PTPRD: variants seen among roughly 807,000 people sequenced by gnomAD.
The protein encoded by PTPRD is protein tyrosine phosphatase receptor type D.
In PTPRD, 34 loss-of-function variants were observed where a neutral mutation model predicts 214.5. The observed-to-expected ratio is 0.16, with a 90% CI of 0.12 to 0.21. The LOEUF (loss-of-function observed/expected upper bound fraction) is 0.21. PTPRD is among the 10% of genes least tolerant of loss of function. The pLI is 1.00. For synonymous variants in PTPRD, 1,128 were observed against 845.7 expected (o/e 1.33, Z -5.79); for missense variants, 2,545 against 2,398.7 (o/e 1.06, Z -1.27).
At chr9:9,442,746 A>T (rs908392494) in intron 8 of PTPRD, among the ~76,000 whole-genome samples, 2 of 152,172 alleles carry the variant, frequency 1.3e-5, no homozygotes, top group Non-Finnish European at 2.9e-5. Flanking sequence ...TGATCAAAAA[A>T]CCAGATCTCT....
intron 5 of PTPRD, among the ~76,000 whole-genome samples, chr9:9,809,764 C>T (rs2046562318): frequency 6.6e-6 from 1 of 151,982 alleles, no homozygotes; most frequent in African/African-American, 2.4e-5. Flanking sequence ...ATGTGTCTGA[C>T]CAAGACAGGT....
At chr9:9,896,534 G>T (rs1336740625) in intron 5 of PTPRD, among the ~76,000 whole-genome samples, 1 of 151,804 alleles carries the variant, frequency 6.6e-6, no homozygotes, top group Non-Finnish European at 1.5e-5. Context: ...TTTTTTAAAA[G>T]AAAGGAAAAA....
chr9:10,413,706 C>A (rs2098459648), intron 2 of PTPRD, among the ~76,000 whole-genome samples: 1 of 152,070 alleles, frequency 6.6e-6, no homozygotes, highest in African/African-American at 2.4e-5. Flanking sequence ...TGACTTGAAA[C>A]TACACTACGT....
chr9:9,287,687 A>T (rs1359132202), intron 9 of PTPRD, among the ~76,000 whole-genome samples: 1 of 151,950 alleles, frequency 6.6e-6, no homozygotes, highest in Non-Finnish European at 1.5e-5. Context: ...ATATTTAAAA[A>T]GATTATTATT....
intron 43 of PTPRD, among the ~76,000 whole-genome samples, chr9:8,332,950 G>A (rs557657501): frequency 3.0e-4 from 45 of 152,208 alleles, no homozygotes; most frequent in Non-Finnish European, 5.4e-4. Flanking sequence ...ATGTTCCCAA[G>A]GTTCTGGGTA....
chr9:8,546,667 T>C (rs2080262057), intron 14 of PTPRD, among the ~76,000 whole-genome samples: 1 of 151,756 alleles, frequency 6.6e-6, no homozygotes, highest in South Asian at 2.1e-4. Context: ...CCTCGCTACT[T>C]TTTTGTATTT....
chr9:10,408,894 T>G (rs1316230004), intron 2 of PTPRD, among the ~76,000 whole-genome samples: 1 of 151,746 alleles, frequency 6.6e-6, no homozygotes, highest in East Asian at 2.0e-4. Context: ...TATTGTTATT[T>G]TCATCCTTTT....
chr9:8,667,530 T>G (rs992476450), intron 12 of PTPRD, among the ~76,000 whole-genome samples: 4 of 152,178 alleles, frequency 2.6e-5, no homozygotes, highest in Non-Finnish European at 4.4e-5. Context: ...ATTCCACATC[T>G]AAGTACTTAA....
intron 5 of PTPRD, among the ~76,000 whole-genome samples, chr9:9,785,554 T>A (rs1339756022): frequency 6.6e-6 from 1 of 151,994 alleles, no homozygotes; most frequent in Non-Finnish European, 1.5e-5. Flanking sequence ...AACAACTAAA[T>A]GGTACTCATA....
At chr9:10,521,883 T>G (rs2052435109) in intron 2 of PTPRD, among the ~76,000 whole-genome samples, 1 of 152,160 alleles carries the variant, frequency 6.6e-6, no homozygotes, top group Non-Finnish European at 1.5e-5. Context: ...TTATATGAAA[T>G]GGGGAACCAA....
chr9:9,390,551 T>G (rs561221737), intron 9 of PTPRD, among the ~76,000 whole-genome samples: 4 of 152,118 alleles, frequency 2.6e-5, no homozygotes, highest in African/African-American at 7.2e-5. Context: ...AAGAAAATAA[T>G]TTTAAAAATT....
intron 3 of PTPRD, among the ~76,000 whole-genome samples, chr9:10,316,093 G>C (rs972384219): frequency 6.8e-6 from 1 of 146,572 alleles, no homozygotes; most frequent in African/African-American, 2.5e-5. Flanking sequence ...ATGATGCTAA[G>C]GTAATTTATG....
intron 7 of PTPRD, among the ~76,000 whole-genome samples, chr9:9,613,206 T>C (rs1426662311): frequency 2.4e-5 from 3 of 123,838 alleles, no homozygotes; most frequent in South Asian, 2.4e-4. Context: ...GGAATAATTT[T>C]GAAAACTGTG....
intron 8 of PTPRD, among the ~76,000 whole-genome samples, chr9:9,481,225 T>TA (rs1347057465): frequency 7.9e-5 from 12 of 152,068 alleles, no homozygotes; most frequent in Non-Finnish European, 1.5e-4. Context: ...TATTACCTAG[T>TA]AAAAAAATCA....
At chr9:8,553,917 G>C (rs535643773) in intron 14 of PTPRD, among the ~76,000 whole-genome samples, 4 of 152,162 alleles carry the variant, frequency 2.6e-5, no homozygotes, top group South Asian at 2.1e-4. Context: ...AGCCGGGCGC[G>C]GTGGCTCACG....
At position 9,810,199 on chromosome 9, in the gene PTPRD, T is replaced by C. The variant is rs148093747; in HGVS notation, c.-367-43348A>G. Among the ~76,000 whole-genome samples the C allele has an allele frequency of 7.9e-4, 120 of 152,154 alleles. 1 individual carries two copies. Among genetic ancestry groups the C allele is most frequent in the Middle Eastern group, 6.8e-3 (2 of 292 alleles). On this transcript the variant is annotated intron_variant, in intron 5 of 45. Coordinates refer to ENST00000381196, the MANE Select transcript of PTPRD (RefSeq NM_002839.4). ...GATAGTTTTAAGAAGCATTTTATTT[T>C]GTTTAGGTTACTTTATTGTAAGAAT...
intron 12 of PTPRD, among the ~76,000 whole-genome samples, chr9:8,693,082 GC>G (rs1403689449): frequency 6.6e-6 from 1 of 152,178 alleles, no homozygotes; most frequent in Non-Finnish European, 1.5e-5. Flanking sequence ...TGATTGTTAG[GC>G]CTATGTGGTA....
At chr9:8,676,953 A>G (rs2097434294) in intron 12 of PTPRD, among the ~76,000 whole-genome samples, 1 of 152,222 alleles carries the variant, frequency 6.6e-6, no homozygotes, top group South Asian at 2.1e-4. Flanking sequence ...GTCTGTAAAA[A>G]AGAATGCCTG....
intron 9 of PTPRD, among the ~76,000 whole-genome samples, chr9:9,223,798 T>A (rs1275836989): frequency 1.3e-5 from 2 of 152,004 alleles, no homozygotes; most frequent in African/African-American, 4.8e-5. Context: ...CTGAGGATTA[T>A]AAATGATATG....
Sources: gnomAD v4.1 joint callset for allele counts (sites outside exome capture counted in the v4.1 genomes callset) on GRCh38, gnomAD v4.1.1 for gene constraint, MANE v1.5 for transcripts, NCBI Gene and HGNC (gene_info 2026-07-23, HGNC 2026-07-21) for gene names.